MAP3K7: variants seen among roughly 807,000 people sequenced by gnomAD.
MAP3K7 encodes mitogen-activated protein kinase kinase kinase 7, also known as TGF-beta activated kinase 1.
A neutral mutation model predicts 84.8 loss-of-function variants in MAP3K7; 21 were observed. That is an observed-to-expected ratio of 0.25 (90% CI 0.18 to 0.36). The LOEUF is 0.36. MAP3K7 is among the 10% of genes least tolerant of loss of function. MAP3K7 has a pLI of 1.00. For synonymous variants in MAP3K7, 241 were observed against 247.7 expected, an observed-to-expected ratio of 0.97 and a Z score of 0.25; for missense variants, 503 against 747.7, an observed-to-expected ratio of 0.67 and a Z score of 3.82.
intron 9 of MAP3K7, among the ~76,000 whole-genome samples, chr6:90,550,036 G>A (rs191057442): frequency 4.6e-5 from 7 of 152,028 alleles, no homozygotes; most frequent in South Asian, 2.1e-4. Flanking sequence ...TTCACATTTC[G>A]GAAAACTAAG....
chr6:90,525,306 T>C (rs886315330), intron 13 of MAP3K7, among the ~76,000 whole-genome samples: 6 of 152,134 alleles, frequency 3.9e-5, no homozygotes, highest in Non-Finnish European at 8.8e-5. Flanking sequence ...AGAGATAATA[T>C]GATAAGTGGT....
intron 1 of MAP3K7, among the ~76,000 whole-genome samples, chr6:90,581,879 A>G (rs1777283183): frequency 6.6e-6 from 1 of 152,254 alleles, no homozygotes; most frequent in Admixed American, 6.5e-5. Flanking sequence ...TTAAACCTAC[A>G]AAGTACATAT....
intron 15 of MAP3K7, 129 bp from the exon 16 acceptor site, chr6:90,518,691 T>C: frequency 1.6e-6 from 1 of 628,692 alleles, no homozygotes. Flanking sequence ...AAATAAGTGT[T>C]AAACCATGCC....
chr6:90,586,855 G>A lies in MAP3K7; in HGVS notation c.29C>T (p.Ser10Phe), dbSNP rs1435177696. ...CATCTCACCGGCCGAAGACGAGGAG[G>A]AGGAGGAGGCGGCAGAGGCTGTAGA... MSTASAASSSSSSSAGEMIE... is the reference protein window; with the variant it reads MSTASAASSFSSSSAGEMIE... Residue 10 changes from serine (S) to phenylalanine (F), a missense_variant, in exon 1 of 17, where the codon TCC becomes TTC. Ser to Phe is a radical substitution (Grantham distance 155). This residue lies in a region of MAP3K7 where 41 missense variants were observed against 41.4 expected (regional missense o/e 0.99). Transcript: ENST00000369329. 36 of 1,611,346 alleles carry A rather than the reference G, an allele frequency of 2.2e-5. No homozygotes were observed. The highest frequency in any genetic ancestry group is 5.0e-5 in the Admixed American group (3 of 59,836).
At position 90,541,282 on chromosome 6, in the gene MAP3K7, C is replaced by A. The variant is rs562720413; in HGVS notation, c.1291+3270G>T. Among the ~76,000 whole-genome samples the A allele has an allele frequency of 2.6e-5, 4 of 152,046 alleles. No homozygotes were observed. The South Asian group carries it at 8.3e-4, about 32-fold the overall frequency. Reference sequence around the variant, plus strand: ...AAATCTATTTCTTTTCTCGAAGTCCCTTCCAACTTACCAGCAAGCAAATGC... The same window carrying A: ...AAATCTATTTCTTTTCTCGAAGTCCATTCCAACTTACCAGCAAGCAAATGC... On this transcript the variant is annotated intron_variant, in intron 12 of 16. Transcript: ENST00000369329.
chr6:90,572,494 T>A (rs933073360), intron 1 of MAP3K7, among the ~76,000 whole-genome samples: 9 of 151,854 alleles, frequency 5.9e-5, no homozygotes, highest in Admixed American at 2.0e-4. Flanking sequence ...TATAGATAGA[T>A]ACCTGGGTCC....
chr6:90,544,802 A>T (rs1324399618), intron 11 of MAP3K7, among the ~76,000 whole-genome samples, 170 bp from the exon 12 acceptor site: 2 of 152,120 alleles, frequency 1.3e-5, no homozygotes, highest in Non-Finnish European at 2.9e-5. Context: ...AAAAGGCGAG[A>T]TTAAAGAGCA....
chr6:90,573,626 A>G (rs1431487180), intron 1 of MAP3K7, among the ~76,000 whole-genome samples: 2 of 152,200 alleles, frequency 1.3e-5, no homozygotes, highest in Non-Finnish European at 2.9e-5. Flanking sequence ...TAACACATTT[A>G]ATCCTCTTCC....
Position 90,524,060 on chromosome 6 carries a change from C to T in MAP3K7, c.1357-277G>A, listed in dbSNP as rs188722143. On this transcript the variant is annotated intron_variant, in intron 13 of 16. Coordinates refer to ENST00000369329, the MANE Select transcript of MAP3K7 (RefSeq NM_145331.3). Reference sequence around the variant, plus strand: ...AGTAAGTGCTTAAGCTGACAGCCCTCGGAATTTCAACTAAACACCAATGGC... The same window carrying T: ...AGTAAGTGCTTAAGCTGACAGCCCTTGGAATTTCAACTAAACACCAATGGC... 1.1e-3 allele frequency among the ~76,000 whole-genome samples: 173 copies of T among 152,240 alleles called. 1 individual carries two copies. Among genetic ancestry groups the T allele is most frequent in the Non-Finnish European group, 1.4e-3 (97 of 68,024 alleles).
chr6:90,517,380 TAA>T (rs1472063161), intron 16 of MAP3K7, among the ~76,000 whole-genome samples: 10 of 150,952 alleles, frequency 6.6e-5, no homozygotes, highest in Non-Finnish European at 1.3e-4. Context: ...GAATAATTAA[TAA>T]AAAGTCCTCA....
rs1272980071 is a variant in MAP3K7, at chr6:90,524,668, A to G, written c.1357-885T>C. ...AGTTTTTCAAGCATGTATTTTTGGA[A>G]GAAGAAAAATTTTACTTGATAGAAG... is the stretch of plus-strand genomic sequence containing the variant. On this transcript the variant is annotated intron_variant, in intron 13 of 16. Transcript: ENST00000369329. 3.3e-5 allele frequency among the ~76,000 whole-genome samples: 5 copies of G among 152,210 alleles called. 1 individual carries two copies. Among genetic ancestry groups the G allele is most frequent in the Non-Finnish European group, 5.9e-5 (4 of 68,042 alleles).
At chr6:90,516,874 A>G (rs1234755997) in intron 16 of MAP3K7, among the ~76,000 whole-genome samples, 193 bp from the exon 17 acceptor site, 5 of 151,968 alleles carry the variant, frequency 3.3e-5, no homozygotes, top group Non-Finnish European at 5.9e-5. Context: ...AAATAACATA[A>G]TCCTTTTATT....
intron 9 of MAP3K7, among the ~76,000 whole-genome samples, chr6:90,550,140 A>G (rs1776134687): frequency 6.6e-6 from 1 of 152,186 alleles, no homozygotes; most frequent in Non-Finnish European, 1.5e-5. Flanking sequence ...TACATTTACA[A>G]TAATTTCTAA....
intron 13 of MAP3K7, among the ~76,000 whole-genome samples, chr6:90,525,941 TG>T (rs1775308024): frequency 6.6e-6 from 1 of 152,174 alleles, no homozygotes; most frequent in Admixed American, 6.5e-5. Flanking sequence ...GTCAAACTCC[TG>T]GGCTCAAGTG....
chr6:90,571,553 T>C (rs1231538759), intron 2 of MAP3K7, 144 bp downstream of exon 2: 1 of 458,428 alleles, frequency 2.2e-6, no homozygotes, highest in Non-Finnish European at 3.8e-6. Context: ...AATGTTCCTA[T>C]GGCAGTACCT....
intron 12 of MAP3K7, chr6:90,536,943 T>C (rs1399476305): frequency 6.6e-6 from 1 of 152,396 alleles, no homozygotes; most frequent in Non-Finnish European, 1.5e-5. Flanking sequence ...TAATTTATTA[T>C]TTGTGAACAA....
chr6:90,567,441 C>G (rs1776747949), intron 3 of MAP3K7, among the ~76,000 whole-genome samples: 1 of 152,216 alleles, frequency 6.6e-6, no homozygotes, highest in Non-Finnish European at 1.5e-5. Flanking sequence ...GATGTTTATG[C>G]AGCCAAAAGA....
chr6:90,527,866 C>CTTTTT (rs991440454), intron 13 of MAP3K7, among the ~76,000 whole-genome samples: 4 of 44,648 alleles, frequency 9.0e-5, no homozygotes, highest in African/African-American at 2.8e-4. Flanking sequence ...TTCATAAGGA[C>CTTTTT]TTTTTTTTTT....
chr6:90,564,596 C>T (rs1382547125), intron 3 of MAP3K7, among the ~76,000 whole-genome samples: 1 of 152,166 alleles, frequency 6.6e-6, no homozygotes, highest in Non-Finnish European at 1.5e-5. Context: ...TACAAAGAGA[C>T]TTAGACTCCC....
Sources: gnomAD v4.1 joint callset for allele counts (sites outside exome capture counted in the v4.1 genomes callset) on GRCh38, gnomAD v4.1.1 for gene constraint, gnomAD v4.1.1 regional missense constraint, MANE v1.5 for transcripts, NCBI Gene and HGNC (gene_info 2026-07-23, HGNC 2026-07-21) for gene names.